The following KDM7A variants were observed in gnomAD, a reference collection of about 807,000 sequenced individuals.
The protein encoded by KDM7A is lysine-specific demethylase 7A.
In KDM7A, 28 loss-of-function variants were observed where a neutral mutation model predicts 114.8. That is an observed-to-expected ratio of 0.24 (90% CI 0.18 to 0.33). KDM7A has a LOEUF of 0.33. Ranked by LOEUF, KDM7A falls within the 10% of genes least tolerant of loss-of-function variation. The pLI is 1.00. For missense variants in KDM7A, 942 were observed against 1,142.5 expected, an observed-to-expected ratio of 0.82 and a Z score of 2.53; for synonymous variants, 423 against 397.8, an observed-to-expected ratio of 1.06 and a Z score of -0.75.
chr7:140,176,650 G>A lies in KDM7A; in HGVS notation c.194+94C>T, dbSNP rs550244927. ...CCCTGAAAGCTGGGCGCGGCGCGGC[G>A]GCCCGGCCCGAGGGAGGCGCGGGCG... On this transcript the variant is annotated intron_variant, in intron 1 of 19. Coordinates refer to ENST00000397560, the MANE Select transcript of KDM7A (RefSeq NM_030647.2). This position sits in a 1 kb window ranked among gnomAD's most constrained non-coding sequence, Gnocchi z 4.4. The A allele has an allele frequency of 7.4e-5, 68 of 918,012 alleles. No individual in the cohort carries two copies. In the East Asian group the frequency reaches 6.1e-3, roughly 83 times the overall value. The allele number at this position is 918,012 out of a possible 1,614,324, so 56.9% of individuals were successfully genotyped here. A position where few individuals can be genotyped will look rare whatever the true frequency, so the allele number is the denominator to read the frequency against.
In KDM7A at chr7:140,091,891, C is replaced by A; in HGVS notation, c.2644G>T (p.Val882Phe). 6.2e-7 allele frequency: 1 copy of A among 1,614,066 alleles called. No homozygotes were observed. Among genetic ancestry groups the A allele is most frequent in the Non-Finnish European group, 8.5e-7 (1 of 1,180,030 alleles). The change falls in exon 19 of 20, where the codon GTT becomes TTT. Residue 882 changes from valine to phenylalanine, a missense_variant. Physicochemically the swap from Val to Phe is conservative, Grantham distance 50 (BLOSUM62 -1). This residue lies in a region of KDM7A where 512 missense variants were observed against 576.6 expected (regional missense o/e 0.89). Coordinates refer to ENST00000397560, the MANE Select transcript of KDM7A (RefSeq NM_030647.2). ...SNGSLSPERP[V>F]GETSFSVPLH... is the part of the protein sequence containing the mutation. ...GGCACCGAGAAGGAAGTTTCACCAA[C>A]TGGCCTTTCTGGGCTTAGACTGCCA... is the stretch of plus-strand genomic sequence containing the variant.
intron 1 of KDM7A, among the ~76,000 whole-genome samples, chr7:140,172,902 G>T (rs1794662146): frequency 6.6e-6 from 1 of 152,102 alleles, no homozygotes. Flanking sequence ...ATCACTGGAA[G>T]ACATGCGTAC....
At chr7:140,098,028 G>A (rs1585137939) in intron 14 of KDM7A, among the ~76,000 whole-genome samples, 1 of 152,100 alleles carries the variant, frequency 6.6e-6, no homozygotes, top group African/African-American at 2.4e-5. Flanking sequence ...CTTCCCAAAC[G>A]TAAAACGCAT....
rs748893601 is a variant in KDM7A, at chr7:140,119,140, C to T, written c.1219G>A (p.Ala407Thr). The change falls in exon 9 of 20, where the codon GCC becomes ACC. Residue 407 changes from alanine to threonine, a missense_variant. By Grantham distance (58) the Ala-to-Thr change is moderately conservative (BLOSUM62 0). Around this residue, in one of 4 missense-constraint regions of KDM7A, gnomAD observed 318 missense variants for 453.1 expected, o/e 0.70. Transcript: ENST00000397560. ...TTCAGGGTTTCCAGCAAGTTTTTGG[C>T]TACAAACCAACATATGGCTTCAAAG... ...PFFEAICWFV[A>T]KNLLETLKEL... 2 of 1,607,422 alleles carry T rather than the reference C, an allele frequency of 1.2e-6. No homozygotes were observed. The highest frequency in any genetic ancestry group is 1.7e-5 in the Admixed American group (1 of 59,622).
chr7:140,094,013 A>G, intron 18 of KDM7A, 43 bp downstream of exon 18: 2 of 1,159,850 alleles, frequency 1.7e-6, no homozygotes, highest in Non-Finnish European at 2.6e-6. Flanking sequence ...AACGTTAATG[A>G]TCATTTTAAA....
intron 1 of KDM7A, among the ~76,000 whole-genome samples, chr7:140,143,165 G>A (rs1794304659): frequency 7.4e-6 from 1 of 135,880 alleles, no homozygotes; most frequent in South Asian, 2.3e-4. Flanking sequence ...GGGTGACAGA[G>A]CAAGACCCCG....
At chr7:140,124,069 CAAAAA>C (rs71170945) in intron 7 of KDM7A, among the ~76,000 whole-genome samples, 2 of 112,686 alleles carry the variant, frequency 1.8e-5, no homozygotes, top group African/African-American at 3.2e-5. Context: ...GACTCTGTCT[CAAAAA>C]AAAAAAAAAA....
chr7:140,120,998 G>C (rs1818610322), intron 7 of KDM7A, among the ~76,000 whole-genome samples: 1 of 152,134 alleles, frequency 6.6e-6, no homozygotes, highest in African/African-American at 2.4e-5. Flanking sequence ...AATTAGAAAA[G>C]CACATTTTCC....
chr7:140,107,597 G>GC (rs1818359770), intron 11 of KDM7A, among the ~76,000 whole-genome samples: 2 of 152,252 alleles, frequency 1.3e-5, no homozygotes, highest in African/African-American at 4.8e-5. Flanking sequence ...TTGAATATTG[G>GC]CCCCCACTCT....
chr7:140,147,803 C>G (rs1381607209), intron 1 of KDM7A, among the ~76,000 whole-genome samples: 1 of 152,128 alleles, frequency 6.6e-6, no homozygotes, highest in African/African-American at 2.4e-5. Context: ...CTCCATGACA[C>G]CGGATAAACA....
intron 7 of KDM7A, among the ~76,000 whole-genome samples, 194 bp downstream of exon 7, chr7:140,124,422 AAATAC>A (rs1818665826): frequency 6.6e-6 from 1 of 152,242 alleles, no homozygotes; most frequent in South Asian, 2.1e-4. Context: ...CAAATGATAT[AAATAC>A]AATGCCAAAA....
chr7:140,155,838 C>T (rs1252033161), intron 1 of KDM7A, among the ~76,000 whole-genome samples: 2 of 152,276 alleles, frequency 1.3e-5, no homozygotes, highest in East Asian at 3.9e-4. Flanking sequence ...GACAGACATG[C>T]TCTTCTTGAA....
chr7:140,093,729 G>C (rs181847647), intron 18 of KDM7A, among the ~76,000 whole-genome samples: 27 of 152,188 alleles, frequency 1.8e-4, no homozygotes, highest in African/African-American at 6.3e-4. Flanking sequence ...AACAGCATCA[G>C]AGATTAAAAA....
At chr7:140,120,327 G>T in intron 8 of KDM7A, 115 bp downstream of exon 8, 1 of 621,590 alleles carries the variant, frequency 1.6e-6, no homozygotes. Flanking sequence ...ATATCTCAGG[G>T]ACTATTTCCA....
chr7:140,143,139 C>T (rs1290275381), intron 1 of KDM7A, among the ~76,000 whole-genome samples: 3 of 145,578 alleles, frequency 2.1e-5, no homozygotes, highest in Non-Finnish European at 4.5e-5. Context: ...GAGATGGTGC[C>T]ACTGCACTCC....
intron 2 of KDM7A, among the ~76,000 whole-genome samples, chr7:140,138,833 C>A (rs1455983620): frequency 1.3e-5 from 2 of 152,160 alleles, no homozygotes; most frequent in African/African-American, 4.8e-5. Flanking sequence ...TACTTTACCA[C>A]ACTTCTCAAA....
At chr7:140,161,967 A>T (rs1794524441) in intron 1 of KDM7A, among the ~76,000 whole-genome samples, 1 of 152,222 alleles carries the variant, frequency 6.6e-6, no homozygotes. Flanking sequence ...AAAATACCAA[A>T]TTATCTACAA....
rs1794705630 is a variant in KDM7A at position 140,176,247 on chromosome 7, CG to C, written c.194+496del. Among the ~76,000 whole-genome samples the C allele has an allele frequency of 6.6e-6, 1 of 151,042 alleles. No homozygotes were observed. Among genetic ancestry groups the C allele is most frequent in the African/African-American group, 2.4e-5 (1 of 41,288 alleles). ...AGGGACCCGCGGCGCGGAGGAGACG[CG>C]GGGCCGGGGCGACCCCATCGCCGCC... On this transcript the variant is annotated intron_variant, in intron 1 of 19. Transcript: ENST00000397560. The surrounding 1 kb of genome is among the most constrained non-coding windows in gnomAD (Gnocchi z 4.4).
intron 1 of KDM7A, among the ~76,000 whole-genome samples, chr7:140,169,982 A>C (rs1161293595): frequency 6.6e-6 from 1 of 152,230 alleles, no homozygotes; most frequent in African/African-American, 2.4e-5. Context: ...TCATTATTCT[A>C]TAATAAACGG....
Sources: allele counts gnomAD v4.1 joint callset (sites outside exome capture counted in the v4.1 genomes callset), GRCh38; gene constraint gnomAD v4.1.1; regional missense constraint gnomAD v4.1.1; non-coding constraint Gnocchi (gnomAD v3.1); transcripts MANE v1.5; gene names NCBI Gene and HGNC (gene_info 2026-07-23, HGNC 2026-07-21).